ADGRL4: variants seen among roughly 807,000 people sequenced by gnomAD.
ADGRL4 encodes adhesion G protein-coupled receptor L4, also known as EGF, latrophilin and seven transmembrane domain containing 1.
Under a neutral mutation model 74.8 loss-of-function variants are expected in ADGRL4, and 90 were observed. The observed-to-expected ratio is 1.20, with a 90% CI of 1.02 to 1.43. ADGRL4 has a LOEUF of 1.43. Ranked by LOEUF, ADGRL4 falls within the 40% of genes most tolerant of loss-of-function variation. The pLI, the probability that ADGRL4 is intolerant of heterozygous loss-of-function variation, is 0.00. For synonymous variants in ADGRL4, 311 were observed against 279.2 expected (o/e 1.11, Z -1.14); for missense variants, 881 against 814.3 (o/e 1.08, Z -1.00).
intron 12 of ADGRL4, among the ~76,000 whole-genome samples, chr1:78,898,295 A>G (rs746101307): frequency 1.3e-5 from 2 of 152,064 alleles, no homozygotes; most frequent in African/African-American, 2.4e-5. Context: ...GACTTGGGTA[A>G]ATCTTTAAAA....
intron 1 of ADGRL4, among the ~76,000 whole-genome samples, chr1:79,005,848 A>C (rs1650951206): frequency 6.6e-6 from 1 of 152,210 alleles, no homozygotes; most frequent in Non-Finnish European, 1.5e-5. Flanking sequence ...AAATTTAAAA[A>C]CAAAACAAAA....
chr1:78,954,071 G>A (rs1200109251), intron 2 of ADGRL4, among the ~76,000 whole-genome samples: 1 of 152,070 alleles, frequency 6.6e-6, no homozygotes, highest in African/African-American at 2.4e-5. Context: ...GCTTGAACCT[G>A]GGAGGTGGAG....
chr1:78,951,203 A>G (rs929016439), intron 2 of ADGRL4, among the ~76,000 whole-genome samples: 2 of 152,058 alleles, frequency 1.3e-5, no homozygotes, highest in African/African-American at 4.8e-5. Flanking sequence ...ATGGGGCATT[A>G]TTGCACTCTT....
chr1:78,893,438 A>T (rs373243937), intron 12 of ADGRL4, among the ~76,000 whole-genome samples: 1 of 151,922 alleles, frequency 6.6e-6, no homozygotes, highest in Non-Finnish European at 1.5e-5. Context: ...TAATATGATT[A>T]ATATATACAT....
chr1:78,925,805 C>A (rs1649100237), intron 8 of ADGRL4, among the ~76,000 whole-genome samples: 1 of 152,040 alleles, frequency 6.6e-6, no homozygotes, highest in South Asian at 2.1e-4. Flanking sequence ...GTGGGTTGTT[C>A]TTGGCAACTC....
intron 2 of ADGRL4, 116 bp downstream of exon 2, chr1:79,004,954 A>T: frequency 2.4e-6 from 2 of 841,822 alleles, no homozygotes; most frequent in Non-Finnish European, 1.7e-6. Flanking sequence ...TTTTTTAAAT[A>T]GTATGAAATT....
At chr1:78,906,095 A>C (rs1202373794) in intron 12 of ADGRL4, among the ~76,000 whole-genome samples, 1 of 152,018 alleles carries the variant, frequency 6.6e-6, no homozygotes, top group Non-Finnish European at 1.5e-5. Context: ...GAAACTAAAG[A>C]TTCATGGGTT....
At chr1:78,970,835 A>G (rs115739899) in intron 2 of ADGRL4, among the ~76,000 whole-genome samples, 92 of 152,286 alleles carry the variant, frequency 6.0e-4, no homozygotes, top group African/African-American at 2.1e-3. Flanking sequence ...CAAACTGGGA[A>G]AAGTTAATTT....
intron 2 of ADGRL4, among the ~76,000 whole-genome samples, chr1:78,948,786 T>C (rs1649664349): frequency 6.6e-6 from 1 of 152,078 alleles, no homozygotes; most frequent in Admixed American, 6.6e-5. Flanking sequence ...AGCAAAATAG[T>C]TCAACCATAT....
Position 78,942,607 on chromosome 1 carries a change from A to G in ADGRL4, c.326-3349T>C, listed in dbSNP as rs75021567. 9.0e-3 allele frequency among the ~76,000 whole-genome samples: 1,376 copies of G among 152,294 alleles called. 11 individuals are homozygous for G. Among genetic ancestry groups the G allele is most frequent in the Non-Finnish European group, 0.012 (835 of 68,022 alleles). On this transcript the variant is annotated intron_variant, in intron 3 of 14. Coordinates refer to ENST00000370742, the MANE Select transcript of ADGRL4 (RefSeq NM_022159.4). Reference sequence around the variant, plus strand: ...TAATTTGATATCACTAAATGCAAGCATATCATTAACAAACAATCTTAACTC... The same window carrying G: ...TAATTTGATATCACTAAATGCAAGCGTATCATTAACAAACAATCTTAACTC...
chr1:78,966,745 C>T (rs1650064617), intron 2 of ADGRL4, among the ~76,000 whole-genome samples: 1 of 152,166 alleles, frequency 6.6e-6, no homozygotes, highest in Admixed American at 6.5e-5. Flanking sequence ...TTAAGCTTCT[C>T]TCCCTGGTGG....
At chr1:79,004,679 T>C (rs1022076022) in intron 2 of ADGRL4, among the ~76,000 whole-genome samples, 5 of 152,138 alleles carry the variant, frequency 3.3e-5, no homozygotes, top group Non-Finnish European at 5.9e-5. Flanking sequence ...TGGTATCATA[T>C]ACCATATAGG....
rs1017517245 is a variant in ADGRL4 at position 78,963,533 on chromosome 1, T to C, written c.173-17107A>G. On this transcript the variant is annotated intron_variant, in intron 2 of 14. Coordinates refer to ENST00000370742, the MANE Select transcript of ADGRL4 (RefSeq NM_022159.4). ...TTGGATGTGTATATTTGAAGTCTAATTTGGGACCATGGAAAATAAATCTTG... is the reference window on the plus strand; with the variant it reads ...TTGGATGTGTATATTTGAAGTCTAACTTGGGACCATGGAAAATAAATCTTG... Among the ~76,000 whole-genome samples, 5 of 152,328 alleles carry C rather than the reference T, an allele frequency of 3.3e-5. No individual in the cohort carries two copies. The East Asian group carries it at 7.7e-4, about 23-fold the overall frequency.
intron 2 of ADGRL4, among the ~76,000 whole-genome samples, chr1:78,961,931 A>C (rs1341553365): frequency 6.8e-6 from 1 of 146,706 alleles, no homozygotes; most frequent in Non-Finnish European, 1.5e-5. Flanking sequence ...CCCAGGCTGG[A>C]GTGCAATGGC....
At chr1:78,924,404 A>C (rs571084542) in intron 8 of ADGRL4, among the ~76,000 whole-genome samples, 6 of 152,168 alleles carry the variant, frequency 3.9e-5, no homozygotes, top group Admixed American at 3.3e-4. Context: ...TAAACTAAGA[A>C]AGAGGAAGAC....
At chr1:78,930,035 G>A (rs74977523) in intron 7 of ADGRL4, among the ~76,000 whole-genome samples, 13,761 of 151,242 alleles carry the variant, frequency 0.091, 1,036 homozygotes, top group East Asian at 0.33. Flanking sequence ...AGGTTTCAAT[G>A]GGAGCATGAC....
At chr1:78,998,961 C>A (rs1428470168) in intron 2 of ADGRL4, among the ~76,000 whole-genome samples, 1 of 152,124 alleles carries the variant, frequency 6.6e-6, no homozygotes, top group East Asian at 1.9e-4. Context: ...AGAATAGTGT[C>A]TAGCTCACAG....
At chr1:78,906,429 T>C (rs1369099428) in intron 12 of ADGRL4, among the ~76,000 whole-genome samples, 2 of 151,990 alleles carry the variant, frequency 1.3e-5, no homozygotes, top group African/African-American at 4.8e-5. Flanking sequence ...TGGACATCTG[T>C]ATCCATGAAG....
At chr1:78,925,106 A>G (rs1649084587) in intron 8 of ADGRL4, among the ~76,000 whole-genome samples, 1 of 152,174 alleles carries the variant, frequency 6.6e-6, no homozygotes, top group Non-Finnish European at 1.5e-5. Context: ...TGGTGGATGG[A>G]GCATAATTTC....
Sources: gnomAD v4.1 joint callset for allele counts (sites outside exome capture counted in the v4.1 genomes callset) on GRCh38, gnomAD v4.1.1 for gene constraint, MANE v1.5 for transcripts, NCBI Gene and HGNC (gene_info 2026-07-23, HGNC 2026-07-21) for gene names.